Variants in CACNA1A observed in about 807,000 individuals in gnomAD.
CACNA1A encodes voltage-dependent P/Q-type calcium channel subunit alpha-1A.
In CACNA1A, 57 loss-of-function variants were observed where a neutral mutation model predicts 262.4. That is an observed-to-expected ratio of 0.22 (90% CI 0.18 to 0.27). The LOEUF (loss-of-function observed/expected upper bound fraction) is 0.27. Ranked by LOEUF, CACNA1A falls within the 10% of genes least tolerant of loss-of-function variation. The pLI is 1.00. For synonymous variants in CACNA1A, 1,431 were observed against 1,419.3 expected (o/e 1.01, Z -0.18); for missense variants, 2,526 against 3,562.8 (o/e 0.71, Z 7.41).
At chr19:13,380,512 C>T (rs1322555635) in intron 3 of CACNA1A, among the ~76,000 whole-genome samples, 3 of 149,134 alleles carry the variant, frequency 2.0e-5, no homozygotes, top group African/African-American at 4.9e-5. Context: ...CTGGGCGTGG[C>T]GGTGGGCATC....
Position 13,208,751 on chromosome 19 carries a change from CCCACCTG to C in CACNA1A, c.6778_6780+4del. Reference sequence around the variant, plus strand: ...CAGCCTGGGGTCACTTGCAGCCGCACCCACCTGCCGGTGCGCCATGTGCTCTCGGCCC... The same window carrying C: ...CAGCCTGGGGTCACTTGCAGCCGCACCCGGTGCGCCATGTGCTCTCGGCCC... On this transcript the variant is annotated splice_donor_variant and splice_donor_region_variant and coding_sequence_variant and intron_variant, in exon 46 of 47. Transcript: ENST00000360228. LOFTEE classifies it high-confidence loss of function. The C allele has an allele frequency of 6.4e-7, 1 of 1,572,726 alleles. No individual in the cohort carries two copies. The highest frequency in any genetic ancestry group is 8.6e-7 in the Non-Finnish European group (1 of 1,165,690).
intron 10 of CACNA1A, among the ~76,000 whole-genome samples, chr19:13,318,762 C>T (rs1434033192): frequency 6.6e-6 from 1 of 152,020 alleles, no homozygotes; most frequent in African/African-American, 2.4e-5. Flanking sequence ...GAATGATGTA[C>T]ATACAAAGGA....
chr19:13,497,563 T>A lies in CACNA1A; in HGVS notation c.293+8369A>T, dbSNP rs1245091858. 4.6e-4 allele frequency among the ~76,000 whole-genome samples: 17 copies of A among 36,838 alleles called. 1 individual carries two copies. The highest frequency in any genetic ancestry group is 6.3e-4 in the African/African-American group (6 of 9,500). 24.2% of individuals were successfully genotyped at this position (36,838 alleles called of 152,430 possible). A position where few individuals can be genotyped will look rare whatever the true frequency, so the allele number is the denominator to read the frequency against. On this transcript the variant is annotated intron_variant, in intron 1 of 46. Coordinates refer to ENST00000360228, the MANE Select transcript of CACNA1A (RefSeq NM_001127222.2). Reference sequence around the variant, plus strand: ...ATATATATATATATATATATATATATATATATATATATATATAAATTTATG... The same window carrying A: ...ATATATATATATATATATATATATAAATATATATATATATATAAATTTATG...
chr19:13,483,629 A>G (rs1979637411), intron 1 of CACNA1A, among the ~76,000 whole-genome samples: 1 of 152,220 alleles, frequency 6.6e-6, no homozygotes, highest in South Asian at 2.1e-4. Flanking sequence ...TCTTGGGCAG[A>G]CTGGAGGGCT....
At chr19:13,354,519 C>A (rs1418949392) in intron 6 of CACNA1A, among the ~76,000 whole-genome samples, 1 of 152,180 alleles carries the variant, frequency 6.6e-6, no homozygotes. Context: ...AAGATGGGCA[C>A]CTTAGCCCCT....
intron 3 of CACNA1A, among the ~76,000 whole-genome samples, chr19:13,392,251 A>T (rs184321860): frequency 1.2e-3 from 186 of 152,180 alleles, no homozygotes; most frequent in African/African-American, 4.4e-3. Context: ...GAAAGAGAAG[A>T]ATGGGAAACT....
Position 13,317,336 on chromosome 19 carries a change from A to G in CACNA1A, c.1346-15T>C. The G allele has an allele frequency of 6.3e-7, 1 of 1,590,538 alleles. No homozygotes were observed. On this transcript the variant is annotated splice_polypyrimidine_tract_variant and intron_variant, in intron 10 of 46. Transcript: ENST00000360228. ...GAAGGGAGAACCTGCCAGGGAAAAG[A>G]TGGAGAATGTCAGGCTCAGGCTGTT...
intron 10 of CACNA1A, among the ~76,000 whole-genome samples, chr19:13,329,213 G>GAAC (rs1248806515): frequency 2.0e-5 from 3 of 152,158 alleles, no homozygotes; most frequent in African/African-American, 7.2e-5. Context: ...TCTGGCCCTT[G>GAAC]TGGTGGCAAA....
At chr19:13,371,897 A>G in intron 3 of CACNA1A, 118 bp from the exon 4 acceptor site, 1 of 725,818 alleles carries the variant, frequency 1.4e-6, no homozygotes, top group Non-Finnish European at 2.5e-6. Context: ...CAGGCAGGTG[A>G]CTCGACACCA....
Position 13,481,675 on chromosome 19 carries a change from G to A in CACNA1A, c.293+24257C>T, listed in dbSNP as rs60887272. Among the ~76,000 whole-genome samples, 549 of 152,128 alleles carry A rather than the reference G, an allele frequency of 3.6e-3. 3 individuals are homozygous for A. Among genetic ancestry groups the A allele is most frequent in the African/African-American group, 0.012 (505 of 41,504 alleles). On this transcript the variant is annotated intron_variant, in intron 1 of 46. Coordinates refer to ENST00000360228, the MANE Select transcript of CACNA1A (RefSeq NM_001127222.2). ...CATTGTTAACATGCCCAGCTTCAAC[G>A]TCACTTGTATACCTACTTCTGGTTG... is the stretch of plus-strand genomic sequence containing the variant.
chr19:13,438,127 T>C (rs2060646252), intron 3 of CACNA1A, among the ~76,000 whole-genome samples: 1 of 152,224 alleles, frequency 6.6e-6, no homozygotes, highest in African/African-American at 2.4e-5. Context: ...CCTCCTTTTC[T>C]CTGTGCAAGT....
chr19:13,328,149 C>T (rs1199562357), intron 10 of CACNA1A, among the ~76,000 whole-genome samples: 1 of 152,162 alleles, frequency 6.6e-6, no homozygotes, highest in Non-Finnish European at 1.5e-5. Context: ...AGGAGATCCT[C>T]CTGCACTGGC....
intron 3 of CACNA1A, among the ~76,000 whole-genome samples, chr19:13,393,473 A>C (rs1168082266): frequency 1.3e-5 from 2 of 151,708 alleles, no homozygotes; most frequent in African/African-American, 4.8e-5. Flanking sequence ...GGGGTTTCTA[A>C]ACGTTGGTGC....
At chr19:13,466,749 G>C (rs1305279229) in intron 1 of CACNA1A, among the ~76,000 whole-genome samples, 2 of 151,866 alleles carry the variant, frequency 1.3e-5, no homozygotes, top group Non-Finnish European at 1.5e-5. Context: ...GCACTTGTGA[G>C]AATTTTTCTG....
intron 1 of CACNA1A, among the ~76,000 whole-genome samples, chr19:13,457,853 C>CAAA (rs775895393): frequency 1.2e-3 from 68 of 58,686 alleles, no homozygotes; most frequent in African/African-American, 4.3e-3. Context: ...AACTCCGTTT[C>CAAA]AAAAAAAAAA....
At chr19:13,350,659 T>C (rs749080588) in intron 6 of CACNA1A, among the ~76,000 whole-genome samples, 2 of 152,150 alleles carry the variant, frequency 1.3e-5, no homozygotes, top group Non-Finnish European at 2.9e-5. Flanking sequence ...GGACTTGTTG[T>C]TGATGTGTTA....
chr19:13,290,981 CTGTT>C (rs1201541433), intron 19 of CACNA1A, among the ~76,000 whole-genome samples: 1 of 152,042 alleles, frequency 6.6e-6, no homozygotes, highest in Non-Finnish European at 1.5e-5. Context: ...TCTGTTGGCT[CTGTT>C]TGTTGGGAAA....
chr19:13,279,385 G>T (rs1364755666), intron 22 of CACNA1A, among the ~76,000 whole-genome samples: 1 of 152,178 alleles, frequency 6.6e-6, no homozygotes, highest in Non-Finnish European at 1.5e-5. Flanking sequence ...ACACCCAGCA[G>T]ATCGGCCAAA....
chr19:13,240,838 T>C (rs2056061356), intron 31 of CACNA1A, among the ~76,000 whole-genome samples: 1 of 152,206 alleles, frequency 6.6e-6, no homozygotes, highest in African/African-American at 2.4e-5. Context: ...GCAGTGACTG[T>C]GTGACTGCGT....
Sources: allele counts gnomAD v4.1 joint callset (sites outside exome capture counted in the v4.1 genomes callset), GRCh38; gene constraint gnomAD v4.1.1; transcripts MANE v1.5; gene names NCBI Gene and HGNC (gene_info 2026-07-23, HGNC 2026-07-21).